The following ASPM variants were observed in gnomAD, a reference collection of about 807,000 sequenced individuals.
ASPM encodes the protein assembly factor for spindle microtubules, also known as abnormal spindle-like microcephaly-associated protein.
Under a neutral mutation model 366.4 loss-of-function variants are expected in ASPM, and 256 were observed. The ratio of observed to expected loss-of-function variants is 0.70; its 90% CI spans 0.63 to 0.77. ASPM has a LOEUF of 0.77. Ranked by LOEUF, ASPM falls within the 30% of genes least tolerant of loss-of-function variation. ASPM has a pLI of 0.00. For missense variants in ASPM, 4,146 were observed against 4,090.4 expected (o/e 1.01, Z -0.37); for synonymous variants, 1,414 against 1,342.9 (o/e 1.05, Z -1.16).
intron 5 of ASPM, among the ~76,000 whole-genome samples, chr1:197,134,370 C>T (rs1016971846): frequency 5.9e-5 from 9 of 152,000 alleles, no homozygotes; most frequent in African/African-American, 2.2e-4. Context: ...TGTGATCACA[C>T]CAATGCACTC....
At position 197,142,524 on chromosome 1, in the gene ASPM, CTT is replaced by C. The variant is rs1057518268; in HGVS notation, c.1726_1727del (p.Lys576GlufsTer34). 8.7e-6 allele frequency: 14 copies of C among 1,614,024 alleles called. No homozygotes were observed. The highest frequency in any genetic ancestry group is 1.1e-5 in the Non-Finnish European group (13 of 1,179,894). ...STTASVARKR[K>X]SDGSMEDANV... ...TTGCATCTTCCATGCTTCCATCGCTCTTTCTTTTCCGAGCAACTGAAGCTGTT... is the reference window on the plus strand; with the variant it reads ...TTGCATCTTCCATGCTTCCATCGCTCTCTTTTCCGAGCAACTGAAGCTGTT... On this transcript the variant is annotated frameshift_variant, in exon 3 of 28. Transcript: ENST00000367409. LOFTEE classifies it high-confidence loss of function.
intron 6 of ASPM, among the ~76,000 whole-genome samples, chr1:197,132,758 A>AAT (rs931295510): frequency 7.1e-4 from 106 of 148,960 alleles, no homozygotes; most frequent in African/African-American, 2.4e-3. Flanking sequence ...ATATATGATA[A>AAT]ATATATATAT....
chr1:197,102,521 T>C lies in ASPM; in HGVS notation c.6730A>G (p.Ile2244Val). ...QRYNKLRHSV[I>V]YIQAIFRGKK... is the part of the protein sequence containing the mutation. The stretch of plus-strand genomic sequence containing the variant: ...CCCCTAAAAATAGCCTGAATGTATA[T>C]TACAGAATGCCTCAGTTTGTTATAC... Residue 2244 changes from isoleucine (I) to valine (V), a missense_variant, in exon 18 of 28, where the codon ATA becomes GTA. Transcript: ENST00000367409. 1 of 1,612,538 alleles carries C rather than the reference T, an allele frequency of 6.2e-7. No individual in the cohort carries two copies. The highest frequency in any genetic ancestry group is 8.5e-7 in the Non-Finnish European group (1 of 1,179,128).
At position 197,125,029 on chromosome 1, in the gene ASPM, C is replaced by A; in HGVS notation, c.3082+17G>T. ...ATTCAGTGAGGAGAATAAGTTTTAC[C>A]TCTACTCAGTTTTTACCATGCTCAT... On this transcript the variant is annotated intron_variant, in intron 11 of 27. Coordinates refer to ENST00000367409, the MANE Select transcript of ASPM (RefSeq NM_018136.5). 2 of 1,613,086 alleles carry A rather than the reference C, an allele frequency of 1.2e-6. No individual in the cohort carries two copies. Among genetic ancestry groups the A allele is most frequent in the Non-Finnish European group, 1.7e-6 (2 of 1,179,222 alleles).
Position 197,101,206 on chromosome 1 carries a change from C to T in ASPM, c.8045G>A (p.Arg2682Gln), listed in dbSNP as rs777169562. ...CCGGTGCATATTTTGAATATCCTTT[C>T]GTACTTTAAAGCCTCTGTAATAAGA... ...IQSYYRGFKV[R>Q]KDIQNMHRAA... The change falls in exon 18 of 28, where the codon CGA becomes CAA. Residue 2682 changes from arginine (R) to glutamine (Q), a missense_variant. Coordinates refer to ENST00000367409, the MANE Select transcript of ASPM (RefSeq NM_018136.5). The T allele has an allele frequency of 6.6e-5, 107 of 1,612,146 alleles. No individual in the cohort carries two copies. The highest frequency in any genetic ancestry group is 2.2e-4 in the Admixed American group (13 of 59,712).
At position 197,102,262 on chromosome 1, in the gene ASPM, C is replaced by T; in HGVS notation, c.6989G>A (p.Arg2330Lys). 1 of 1,612,796 alleles carries T rather than the reference C, an allele frequency of 6.2e-7. No homozygotes were observed. The part of the protein sequence containing the change: ...SSYRRWMIRK[R>K]MREMHRAATF... Reference sequence around the variant, plus strand: ...AGCAGCCCTGTGCATCTCTCGCATCCTTTTCCTTATCATCCATCTTCTGTA... The same window carrying T: ...AGCAGCCCTGTGCATCTCTCGCATCTTTTTCCTTATCATCCATCTTCTGTA... Residue 2330 changes from arginine (R) to lysine (K), a missense_variant, in exon 18 of 28, where the codon AGG becomes AAG. This residue lies in a region of ASPM where 3,624 missense variants were observed against 3,591.7 expected (regional missense o/e 1.01). Coordinates refer to ENST00000367409, the MANE Select transcript of ASPM (RefSeq NM_018136.5).
chr1:197,119,639 T>A (rs1657846408), intron 16 of ASPM, among the ~76,000 whole-genome samples: 1 of 152,190 alleles, frequency 6.6e-6, no homozygotes, highest in African/African-American at 2.4e-5. Context: ...TGACCCTTTT[T>A]AATCAGACTG....
rs554981778 is a variant in ASPM, at chr1:197,139,318, C to G, written c.2026+449G>C. 5.3e-6 allele frequency: 4 copies of G among 759,850 alleles called. No homozygotes were observed. In the East Asian group the frequency reaches 1.0e-4, roughly 20 times the overall value. The allele number at this position is 759,850 out of a possible 1,614,324, so 47.1% of individuals were successfully genotyped here. On this transcript the variant is annotated intron_variant, in intron 4 of 27. Coordinates refer to ENST00000367409, the MANE Select transcript of ASPM (RefSeq NM_018136.5). Reference sequence around the variant, plus strand: ...AAGGATAACAGCCCATGTTTTTGGCCGGGCGCGGTGGCTCACGCCTGAAAT... The same window carrying G: ...AAGGATAACAGCCCATGTTTTTGGCGGGGCGCGGTGGCTCACGCCTGAAAT...
At chr1:197,128,457 A>G in intron 10 of ASPM, 33 bp downstream of exon 10, 1 of 1,582,618 alleles carries the variant, frequency 6.3e-7, no homozygotes, top group Non-Finnish European at 8.7e-7. Context: ...AGTCTATTCC[A>G]TTAAGCAAAA....
In ASPM at chr1:197,094,189, T is replaced by C. The variant is rs761370022; in HGVS notation, c.8988-9A>G. On this transcript the variant is annotated splice_polypyrimidine_tract_variant and intron_variant, in intron 19 of 27. Transcript: ENST00000367409. ...CTCTCACATTCAAAAACCTAAAAAG[T>C]AGTTATTGGAAAGCAATGTCAAATT... 3.2e-6 allele frequency: 5 copies of C among 1,565,622 alleles called. No individual in the cohort carries two copies. Among genetic ancestry groups the C allele is most frequent in the South Asian group, 1.1e-5 (1 of 88,846 alleles).
chr1:197,091,535 T>C (rs1656786960), intron 22 of ASPM, among the ~76,000 whole-genome samples: 1 of 151,956 alleles, frequency 6.6e-6, no homozygotes, highest in Admixed American at 6.6e-5. Flanking sequence ...GAATATAATT[T>C]CAGAATCATT....
rs1658323826 is a variant in ASPM, at chr1:197,133,435, C to G, written c.2334G>C (p.Met778Ile). The G allele has an allele frequency of 1.9e-6, 3 of 1,613,838 alleles. No individual in the cohort carries two copies. The highest frequency in any genetic ancestry group is 1.6e-4 in the Middle Eastern group (1 of 6,084). Residue 778 changes from methionine (M) to isoleucine (I), a missense_variant, in exon 6 of 28, where the codon ATG (methionine) becomes ATC (isoleucine). Coordinates refer to ENST00000367409, the MANE Select transcript of ASPM (RefSeq NM_018136.5). ...TTTCAAGCTTTTTAATAGCTTTAAC[C>G]ATTTTTTCAGAAGTAAACAAACGGC... ...AACRLFTSEKMVKAIKKLEIE... is the reference protein window; with the variant it reads ...AACRLFTSEKIVKAIKKLEIE...
intron 5 of ASPM, among the ~76,000 whole-genome samples, chr1:197,134,046 T>C (rs1227342575): frequency 6.6e-6 from 1 of 152,048 alleles, no homozygotes; most frequent in African/African-American, 2.4e-5. Flanking sequence ...TTTTTCTTTT[T>C]TTTTAAGTGA....
At chr1:197,134,102 T>TAA (rs1438068544) in intron 5 of ASPM, among the ~76,000 whole-genome samples, 2 of 151,906 alleles carry the variant, frequency 1.3e-5, no homozygotes, top group Non-Finnish European at 2.9e-5. Context: ...AAGACCCTTT[T>TAA]AATACAAAAA....
At chr1:197,085,347 C>T (rs1294414700) in intron 27 of ASPM, among the ~76,000 whole-genome samples, 2 of 152,144 alleles carry the variant, frequency 1.3e-5, no homozygotes, top group Non-Finnish European at 2.9e-5. Flanking sequence ...TTTCAAACTT[C>T]CCCTCCATAC....
In ASPM at chr1:197,103,909, A is replaced by G; in HGVS notation, c.5342T>C (p.Ile1781Thr). ...YLKMYKAIIVIQNYYHAYKAQ... is the reference protein window; with the variant it reads ...YLKMYKAIIVTQNYYHAYKAQ... ...TTTGTATGCATGATAGTAATTCTGA[A>G]TGACAATAATTGCTTTATACATTTT... The change falls in exon 18 of 28, where the codon ATT becomes ACT. Residue 1781 changes from isoleucine (I) to threonine (T), a missense_variant. Ile to Thr is a moderately conservative substitution (Grantham distance 89, BLOSUM62 -1). Around this residue, in one of 3 missense-constraint regions of ASPM, gnomAD observed 3,624 missense variants for 3,591.7 expected, o/e 1.01. Coordinates refer to ENST00000367409, the MANE Select transcript of ASPM (RefSeq NM_018136.5). The G allele has an allele frequency of 6.2e-7, 1 of 1,612,712 alleles. No homozygotes were observed. The highest frequency in any genetic ancestry group is 8.5e-7 in the Non-Finnish European group (1 of 1,179,262).
At chr1:197,098,971 T>A (rs1319272948) in intron 18 of ASPM, among the ~76,000 whole-genome samples, 1 of 151,568 alleles carries the variant, frequency 6.6e-6, no homozygotes, top group Non-Finnish European at 1.5e-5. Context: ...TCATCATCAA[T>A]CTCAAAACCT....
At position 197,125,045 on chromosome 1, in the gene ASPM, C is replaced by A; in HGVS notation, c.3082+1G>T. 1 of 1,613,838 alleles carries A rather than the reference C, an allele frequency of 6.2e-7. No individual in the cohort carries two copies. Among genetic ancestry groups the A allele is most frequent in the Non-Finnish European group, 8.5e-7 (1 of 1,179,856 alleles). On this transcript the variant is annotated splice_donor_variant, in intron 11 of 27. Coordinates refer to ENST00000367409, the MANE Select transcript of ASPM (RefSeq NM_018136.5). LOFTEE classifies it high-confidence loss of function. ...AAGTTTTACCTCTACTCAGTTTTTA[C>A]CATGCTCATCACTTAATTCAATTCC...
At chr1:197,084,928 T>A (rs1656539635) in intron 27 of ASPM, among the ~76,000 whole-genome samples, 1 of 152,162 alleles carries the variant, frequency 6.6e-6, no homozygotes, top group Non-Finnish European at 1.5e-5. Flanking sequence ...CATCCACCAT[T>A]TCTGATTCAT....
Sources: allele counts gnomAD v4.1 joint callset (sites outside exome capture counted in the v4.1 genomes callset), GRCh38; gene constraint gnomAD v4.1.1; regional missense constraint gnomAD v4.1.1; transcripts MANE v1.5; gene names NCBI Gene and HGNC (gene_info 2026-07-23, HGNC 2026-07-21).